The following TRAPPC9 variants were observed in gnomAD, a reference collection of about 807,000 sequenced individuals.
TRAPPC9 encodes the protein trafficking protein particle complex subunit 9, also known as IKK2 binding protein.
Under a neutral mutation model 124.0 loss-of-function variants are expected in TRAPPC9, and 83 were observed. The ratio of observed to expected loss-of-function variants is 0.67; its 90% CI spans 0.56 to 0.80. TRAPPC9 has a LOEUF of 0.80. Among genes scored for constraint, TRAPPC9 ranks in the 30% least tolerant of loss-of-function variants. The pLI is 0.00. For missense variants in TRAPPC9, 1,302 were observed against 1,508.3 expected (o/e 0.86, Z 2.27); for synonymous variants, 638 against 617.5 (o/e 1.03, Z -0.49).
chr8:140,011,232 C>T (rs1372895453), intron 18 of TRAPPC9, among the ~76,000 whole-genome samples: 1 of 151,890 alleles, frequency 6.6e-6, no homozygotes, highest in Non-Finnish European at 1.5e-5. Context: ...ATCCCAGCTA[C>T]ATGGGAGACT....
chr8:139,924,746 T>C (rs1314756572), intron 19 of TRAPPC9, among the ~76,000 whole-genome samples: 1 of 152,234 alleles, frequency 6.6e-6, no homozygotes, highest in Non-Finnish European at 1.5e-5. Flanking sequence ...CCACGCTTGA[T>C]GGCACTGGTT....
At chr8:140,272,130 C>CAATGAT (rs1450234909) in intron 15 of TRAPPC9, among the ~76,000 whole-genome samples, 37 of 100,452 alleles carry the variant, frequency 3.7e-4, no homozygotes, top group South Asian at 1.3e-3. Context: ...GTGATGGTGG[C>CAATGAT]GATGGTGATG....
chr8:140,326,108 C>T (rs2066728738), intron 9 of TRAPPC9, among the ~76,000 whole-genome samples: 3 of 151,886 alleles, frequency 2.0e-5, no homozygotes. Context: ...GGTTACTGGC[C>T]AGGCGCAGTG....
intron 18 of TRAPPC9, among the ~76,000 whole-genome samples, chr8:140,002,920 G>C (rs1483729073): frequency 5.8e-5 from 8 of 138,956 alleles, no homozygotes; most frequent in Non-Finnish European, 1.3e-4. Flanking sequence ...AAAACACACA[G>C]GTAAATGCAA....
intron 17 of TRAPPC9, among the ~76,000 whole-genome samples, chr8:140,212,521 G>A (rs184009343): frequency 6.6e-6 from 1 of 152,270 alleles, no homozygotes; most frequent in Non-Finnish European, 1.5e-5. Context: ...GTGTTCAGGA[G>A]GGATATTGGT....
chr8:140,024,173 C>T, intron 17 of TRAPPC9, 94 bp from the exon 18 acceptor site: 2 of 1,472,478 alleles, frequency 1.4e-6, no homozygotes, highest in Non-Finnish European at 1.9e-6. Context: ...TAGGAAGAGT[C>T]TGAAGATAAT....
At chr8:140,105,211 A>G (rs547979494) in intron 17 of TRAPPC9, among the ~76,000 whole-genome samples, 1 of 152,374 alleles carries the variant, frequency 6.6e-6, no homozygotes, top group Admixed American at 6.5e-5. Context: ...CAGAGGCCTC[A>G]TGTCAAGGGA....
intron 17 of TRAPPC9, among the ~76,000 whole-genome samples, chr8:140,060,719 G>A (rs558326403): frequency 1.3e-5 from 2 of 152,176 alleles, no homozygotes; most frequent in African/African-American, 2.4e-5. Flanking sequence ...TTTCTGGGGG[G>A]AGGAAGGATT....
chr8:140,436,053 C>T (rs557605316), intron 3 of TRAPPC9, among the ~76,000 whole-genome samples: 2 of 152,134 alleles, frequency 1.3e-5, no homozygotes, highest in African/African-American at 2.4e-5. Flanking sequence ...GTATTAATTC[C>T]TCTTAAAATA....
At chr8:140,374,604 A>G (rs1281734432) in intron 7 of TRAPPC9, among the ~76,000 whole-genome samples, 1 of 152,090 alleles carries the variant, frequency 6.6e-6, no homozygotes, top group Non-Finnish European at 1.5e-5. Flanking sequence ...AAAAAAGAAA[A>G]AGAAGAGGTG....
intron 16 of TRAPPC9, among the ~76,000 whole-genome samples, chr8:140,240,702 C>G (rs890932328): frequency 2.6e-5 from 4 of 152,114 alleles, no homozygotes; most frequent in Non-Finnish European, 5.9e-5. Flanking sequence ...CCTCCCAAGC[C>G]CAGCTCATTT....
intron 2 of TRAPPC9, among the ~76,000 whole-genome samples, chr8:140,444,881 A>AC (rs1554688961): frequency 6.6e-6 from 1 of 151,134 alleles, no homozygotes; most frequent in Non-Finnish European, 1.5e-5. Context: ...AAAAAAAAAA[A>AC]CAGGATCTGG....
intron 16 of TRAPPC9, among the ~76,000 whole-genome samples, chr8:140,225,432 T>A (rs1402162114): frequency 6.6e-6 from 1 of 152,242 alleles, no homozygotes; most frequent in Non-Finnish European, 1.5e-5. Flanking sequence ...CAGGTAGATA[T>A]GTGCGAAGAC....
At chr8:140,278,318 C>T (rs2131671236) in intron 14 of TRAPPC9, among the ~76,000 whole-genome samples, 1 of 152,268 alleles carries the variant, frequency 6.6e-6, no homozygotes, top group East Asian at 1.9e-4. Context: ...GTTGGCCAGG[C>T]CGGTCTCGAA....
chr8:140,285,456 G>C (rs1187004695), intron 13 of TRAPPC9, among the ~76,000 whole-genome samples: 2 of 152,172 alleles, frequency 1.3e-5, no homozygotes, highest in Non-Finnish European at 2.9e-5. Context: ...GGATGGCTCT[G>C]AACTGCCCAC....
intron 18 of TRAPPC9, among the ~76,000 whole-genome samples, chr8:140,000,453 G>A (rs985786274): frequency 5.3e-5 from 8 of 152,304 alleles, no homozygotes; most frequent in African/African-American, 1.9e-4. Flanking sequence ...GCAACCTACA[G>A]AATGGGAGAA....
At chr8:140,220,949 T>C (rs2063325267) in intron 17 of TRAPPC9, among the ~76,000 whole-genome samples, 1 of 152,144 alleles carries the variant, frequency 6.6e-6, no homozygotes, top group Non-Finnish European at 1.5e-5. Context: ...CCGGAGCACT[T>C]GTGTAGGCCT....
intron 20 of TRAPPC9, among the ~76,000 whole-genome samples, chr8:139,888,480 G>A (rs934763350): frequency 1.3e-5 from 2 of 152,110 alleles, no homozygotes; most frequent in South Asian, 4.2e-4. Flanking sequence ...GTCACCTACT[G>A]TTAGCATCAG....
chr8:140,432,605 G>A (rs2070682168), intron 4 of TRAPPC9, among the ~76,000 whole-genome samples: 1 of 152,192 alleles, frequency 6.6e-6, no homozygotes, highest in Non-Finnish European at 1.5e-5. Flanking sequence ...GGGCACAGTG[G>A]CTCACGCCTG....
Sources: gnomAD v4.1 joint callset for allele counts (sites outside exome capture counted in the v4.1 genomes callset) on GRCh38, gnomAD v4.1.1 for gene constraint, MANE v1.5 for transcripts, NCBI Gene and HGNC (gene_info 2026-07-23, HGNC 2026-07-21) for gene names.